TSACC: variants seen among roughly 807,000 people sequenced by gnomAD.
The protein encoded by TSACC is TSSK6 activating cochaperone.
A neutral mutation model predicts 6.9 loss-of-function variants in TSACC; 3 were observed. The ratio of observed to expected loss-of-function variants is 0.43; its 90% CI spans 0.20 to 1.12. The LOEUF (loss-of-function observed/expected upper bound fraction) is 1.12. TSACC is among the 50% of genes most tolerant of loss of function. The pLI is 0.28. For synonymous variants in TSACC, 54 were observed against 55.1 expected, an observed-to-expected ratio of 0.98 and a Z score of 0.09; for missense variants, 137 against 143.9, an observed-to-expected ratio of 0.95 and a Z score of 0.24.
chr1:156,337,792 G>GA (rs58684067), upstream of TSACC: 1,857 of 278,934 alleles, frequency 6.7e-3, 3 homozygotes, highest in Middle Eastern at 9.5e-3. Context: ...AGACCTAACT[G>GA]AAAAAAAAAC....
At chr1:156,339,526 A>G in intron 1 of TSACC, 108 bp from the exon 2 acceptor site, 1 of 506,810 alleles carries the variant, frequency 2.0e-6, no homozygotes, top group Non-Finnish European at 3.5e-6. Flanking sequence ...GGAAGCACTA[A>G]AGGAAAACTG....
At chr1:156,339,881 C>T (rs1202229018) in intron 2 of TSACC, 90 bp downstream of exon 2, 2 of 1,380,176 alleles carry the variant, frequency 1.4e-6, no homozygotes, top group Non-Finnish European at 2.0e-6. Context: ...GTATTCCCAG[C>T]ACCTAGAACT....
chr1:156,346,776 A>C lies in TSACC; in HGVS notation c.172A>C (p.Lys58Gln), dbSNP rs1360269626. ...QTTKLPSVDHKPKECLGLLEC... is the reference protein window; with the variant it reads ...QTTKLPSVDHQPKECLGLLEC... ...TGCTTTTCCTTCTGGAGTTGATCAC[A>C]AGCCCAAGGAATGCCTAGGACTCCT... The change falls in exon 4 of 4, where the codon AAG becomes CAG. Residue 58 changes from lysine (K) to glutamine (Q), a missense_variant. Physicochemically the swap from Lys to Gln is moderately conservative, Grantham distance 53 (BLOSUM62 1). Coordinates refer to ENST00000368254, the MANE Select transcript of TSACC (RefSeq NM_001304817.2). 1.2e-6 allele frequency: 2 copies of C among 1,614,046 alleles called. No homozygotes were observed. The highest frequency in any genetic ancestry group is 1.7e-5 in the Admixed American group (1 of 60,004).
intron 2 of TSACC, 112 bp downstream of exon 2, chr1:156,339,903 ATAG>A (rs1036383552): frequency 9.4e-7 from 1 of 1,063,856 alleles, no homozygotes; most frequent in African/African-American, 1.6e-5. Context: ...GATCTGTTAA[ATAG>A]TAGATGCTCA....
chr1:156,339,262 CAA>C lies in TSACC; in HGVS notation c.-124-357_-124-356del, dbSNP rs34441809. 2.0e-3 allele frequency among the ~76,000 whole-genome samples: 272 copies of C among 136,682 alleles called. 2 individuals are homozygous for C. Among genetic ancestry groups the C allele is most frequent in the East Asian group, 8.2e-3 (39 of 4,768 alleles). The allele number at this position is 136,682 out of a possible 152,430, so 89.7% of individuals were successfully genotyped here. On this transcript the variant is annotated intron_variant, in intron 1 of 3. Transcript: ENST00000368254. ...CTGGCGACAGAGCGAGACTCCATCT[CAA>C]AAAAAAAAAAAAAAGTATTCCCTGT...
chr1:156,339,789 A>G lies in TSACC; in HGVS notation c.32A>G (p.Lys11Arg), dbSNP rs781228158. The G allele has an allele frequency of 8.1e-6, 13 of 1,614,066 alleles. No homozygotes were observed. The highest frequency in any genetic ancestry group is 1.7e-4 in the Middle Eastern group (1 of 6,060). ...CGGCACACTAGTCATCCTAACAGAA[A>G]AGGTGTGTGTTGGAGGCCCTGCTTC... is the stretch of plus-strand genomic sequence containing the variant. Reference protein sequence around the residue: MERHTSHPNRKVPAKEEANAV... With the variant: MERHTSHPNRRVPAKEEANAV... Residue 11 changes from lysine to arginine, a missense_variant and splice_region_variant, in exon 2 of 4, where the codon AAA (lysine) becomes AGA (arginine). Physicochemically the swap from Lys to Arg is conservative, Grantham distance 26 (BLOSUM62 2). Transcript: ENST00000368254.
intron 3 of TSACC, among the ~76,000 whole-genome samples, chr1:156,344,951 T>TAGA: frequency 6.6e-6 from 1 of 152,354 alleles, no homozygotes; most frequent in Middle Eastern, 3.4e-3. Context: ...GAAGTGAACC[T>TAGA]CTCATTGCTT....
At chr1:156,345,654 G>T (rs558674311) in intron 3 of TSACC, among the ~76,000 whole-genome samples, 3 of 151,708 alleles carry the variant, frequency 2.0e-5, no homozygotes, top group South Asian at 4.2e-4. Flanking sequence ...GATTACCTGA[G>T]GTCAGGAGTT....
chr1:156,341,754 C>A (rs188644934), intron 2 of TSACC, among the ~76,000 whole-genome samples: 1 of 151,990 alleles, frequency 6.6e-6, no homozygotes, highest in African/African-American at 2.4e-5. Flanking sequence ...TTCTTCAAAC[C>A]TTATAACCCA....
chr1:156,337,982 G>A (rs1020366245), upstream of TSACC, among the ~76,000 whole-genome samples: 3 of 152,142 alleles, frequency 2.0e-5, no homozygotes, highest in African/African-American at 7.2e-5. Flanking sequence ...GTGCAGAGAA[G>A]CGAACAGGTT....
intron 1 of TSACC, among the ~76,000 whole-genome samples, 199 bp from the exon 2 acceptor site, chr1:156,339,435 A>G (rs868001005): frequency 2.0e-5 from 3 of 152,190 alleles, no homozygotes; most frequent in Non-Finnish European, 4.4e-5. Flanking sequence ...ACATGGTGAG[A>G]ACACGGAAAG....
At chr1:156,338,103 G>A (rs1358702672), upstream of TSACC, 6 of 1,560,362 alleles carry the variant, frequency 3.8e-6, no homozygotes, top group Non-Finnish European at 5.2e-6. Flanking sequence ...GAAAAGTATG[G>A]ACAGAAGAGG....
At chr1:156,343,032 TTC>T (rs1169801095) in intron 2 of TSACC, among the ~76,000 whole-genome samples, 1 of 152,192 alleles carries the variant, frequency 6.6e-6, no homozygotes, top group African/African-American at 2.4e-5. Context: ...GGTTCAGTTT[TTC>T]TCTCTCTGTT....
intron 2 of TSACC, among the ~76,000 whole-genome samples, chr1:156,341,564 AC>A: frequency 6.6e-6 from 1 of 152,072 alleles, no homozygotes; most frequent in East Asian, 1.9e-4. Flanking sequence ...TATGTAAAGC[AC>A]CTTTTATTAT....
chr1:156,344,106 T>G (rs890552936), intron 2 of TSACC, among the ~76,000 whole-genome samples: 1 of 152,210 alleles, frequency 6.6e-6, no homozygotes, highest in Non-Finnish European at 1.5e-5. Context: ...CTCTCGCTAC[T>G]CATATTGATC....
Position 156,339,624 on chromosome 1 carries a change from T to A in TSACC, c.-124-10T>A, listed in dbSNP as rs1225137407. 24 of 1,101,932 alleles carry A rather than the reference T, an allele frequency of 2.2e-5. No individual in the cohort carries two copies. The highest frequency in any genetic ancestry group is 3.1e-5 in the Non-Finnish European group (24 of 765,160). The allele number at this position is 1,101,932 out of a possible 1,614,324, so 68.3% of individuals were successfully genotyped here. On this transcript the variant is annotated splice_polypyrimidine_tract_variant and intron_variant, in intron 1 of 3. Coordinates refer to ENST00000368254, the MANE Select transcript of TSACC (RefSeq NM_001304817.2). The stretch of plus-strand genomic sequence containing the variant: ...CCATGAAATAGAGTTTCCTACTTTT[T>A]CCTCTGCAGATTGGAACAGGCTGAG...
upstream of TSACC, chr1:156,338,481 G>T: frequency 5.7e-6 from 3 of 530,120 alleles, no homozygotes; most frequent in Non-Finnish European, 6.8e-6. Flanking sequence ...GGCCGCTCCC[G>T]GCCGCGTGCA....
upstream of TSACC, chr1:156,338,350 G>A (rs769430502): frequency 1.7e-4 from 116 of 669,142 alleles, no homozygotes; most frequent in Non-Finnish European, 2.8e-4. Flanking sequence ...TCATTGATCG[G>A]CACAAAAACA....
chr1:156,337,918 G>A (rs985371076), upstream of TSACC: 1 of 564,306 alleles, frequency 1.8e-6, no homozygotes. Context: ...AGCTTCCCAA[G>A]ACGAGCACAC....
Sources: allele counts gnomAD v4.1 joint callset (sites outside exome capture counted in the v4.1 genomes callset), GRCh38; gene constraint gnomAD v4.1.1; transcripts MANE v1.5; gene names NCBI Gene and HGNC (gene_info 2026-07-23, HGNC 2026-07-21).